The following COA6 variants were observed in gnomAD, a reference collection of about 807,000 sequenced individuals.
The protein encoded by COA6 is cytochrome c oxidase assembly factor 6.
In COA6, 12 loss-of-function variants were observed where a neutral mutation model predicts 17.1. The observed-to-expected ratio is 0.70, with a 90% confidence interval of 0.45 to 1.14. COA6 has a LOEUF of 1.14. Ranked by LOEUF, COA6 falls within the 50% of genes most tolerant of loss-of-function variation. COA6 has a pLI of 0.00. For missense variants in COA6, 246 were observed against 196.5 expected (o/e 1.25, Z -1.51); for synonymous variants, 90 against 73.4 (o/e 1.23, Z -1.16).
chr1:234,379,964 TGACC>T (rs1658920871), intron 2 of COA6, among the ~76,000 whole-genome samples: 1 of 152,208 alleles, frequency 6.6e-6, no homozygotes, highest in African/African-American at 2.4e-5. Flanking sequence ...TATCAGATGG[TGACC>T]TGCAAAGTTG....
chr1:234,381,803 C>T (rs911724061), intron 2 of COA6, among the ~76,000 whole-genome samples: 4 of 152,166 alleles, frequency 2.6e-5, no homozygotes, highest in African/African-American at 9.7e-5. Flanking sequence ...AGAGGAGAAA[C>T]ATGTTTGGAG....
intron 1 of COA6, 57 bp downstream of exon 1, chr1:234,373,735 C>T: frequency 6.2e-7 from 1 of 1,613,826 alleles, no homozygotes; most frequent in Non-Finnish European, 8.5e-7. Context: ...CCGGGAGGTC[C>T]CTTACTGTCC....
At chr1:234,383,535 TA>T (rs1206807601) in intron 2 of COA6, among the ~76,000 whole-genome samples, 187 bp from the exon 3 acceptor site, 2,003 of 121,042 alleles carry the variant, frequency 0.017, 37 homozygotes, top group African/African-American at 0.058. Context: ...TAAAGTATAA[TA>T]AAAAAAAAAA....
rs1659025572 is a variant in COA6, at chr1:234,383,076, T to TGGAAG, written c.373-645_373-641dup. On this transcript the variant is annotated intron_variant, in intron 2 of 2. Coordinates refer to ENST00000366615, the MANE Select transcript of COA6 (RefSeq NM_001206641.3). The stretch of plus-strand genomic sequence containing the variant: ...GGAGGGAGGGAGGGAGGGAAGGGAA[T>TGGAAG]GGAAGGAAGGGAAGGGAAGTAAGAA... Among the ~76,000 whole-genome samples the TGGAAG allele has an allele frequency of 1.7e-5, 2 of 116,060 alleles. 1 individual carries two copies. The highest frequency in any genetic ancestry group is 3.6e-5 in the Non-Finnish European group (2 of 54,824). The allele number at this position is 116,060 out of a possible 152,430, so 76.1% of individuals were successfully genotyped here. A position where few individuals can be genotyped will look rare whatever the true frequency, so the allele number is the denominator to read the frequency against.
intron 2 of COA6, among the ~76,000 whole-genome samples, chr1:234,380,178 C>G (rs1383059798): frequency 6.6e-6 from 1 of 152,224 alleles, no homozygotes; most frequent in African/African-American, 2.4e-5. Context: ...CCTGTGCTCT[C>G]TTTTCAAGTA....
chr1:234,378,867 GT>G (rs1444019173), intron 2 of COA6, among the ~76,000 whole-genome samples: 1 of 150,898 alleles, frequency 6.6e-6, no homozygotes, highest in East Asian at 1.9e-4. Flanking sequence ...CAAGACTCTG[GT>G]TTTTTTTTCT....
At chr1:234,379,183 G>A (rs932509685) in intron 2 of COA6, among the ~76,000 whole-genome samples, 1 of 151,700 alleles carries the variant, frequency 6.6e-6, no homozygotes, top group African/African-American at 2.4e-5. Context: ...CCCGGCCATG[G>A]TTGGTGCTTT....
chr1:234,377,790 G>A (rs967156909), intron 2 of COA6, among the ~76,000 whole-genome samples: 24 of 152,240 alleles, frequency 1.6e-4, no homozygotes, highest in East Asian at 1.9e-4. Context: ...CCAGCACAGC[G>A]GGGAGTGCGT....
At position 234,379,501 on chromosome 1, in the gene COA6, G is replaced by A. The variant is rs73099954; in HGVS notation, c.373-4222G>A. On this transcript the variant is annotated intron_variant, in intron 2 of 2. Transcript: ENST00000366615. ...GCCATGGTATTGAAAAGATCAGTAT[G>A]TGGACATTGAAATTACCCGCGAGTT... Among the ~76,000 whole-genome samples, 366 of 152,330 alleles carry A rather than the reference G, an allele frequency of 2.4e-3. 3 individuals carry two copies. Among genetic ancestry groups the A allele is most frequent in the African/African-American group, 8.5e-3 (354 of 41,566 alleles).
rs368401054 is a variant in COA6 at position 234,379,810 on chromosome 1, G to T, written c.373-3913G>T. Among the ~76,000 whole-genome samples, 39 of 152,256 alleles carry T rather than the reference G, an allele frequency of 2.6e-4. No homozygotes were observed. In the South Asian group the frequency reaches 7.1e-3, roughly 28 times the overall value. ...CTTATAAAACCATCTGATCTTATGA[G>T]AACTCACTTACTGTCACAAGAACAG... On this transcript the variant is annotated intron_variant, in intron 2 of 2. Coordinates refer to ENST00000366615, the MANE Select transcript of COA6 (RefSeq NM_001206641.3).
chr1:234,373,568 A>G lies in COA6; in HGVS notation c.102A>G (p.Arg34=). ...STLLELEPAG[R]PCSGRTRHRA... The stretch of plus-strand genomic sequence containing the variant: ...TTCTAGAGCTTGAGCCAGCGGGGCG[A>G]CCCTGCAGTGGCAGGACTCGGCACC... Residue 34 remains arginine (R), a synonymous_variant, in exon 1 of 3, where the codon CGA becomes CGG. Transcript: ENST00000366615. 3.7e-6 allele frequency: 6 copies of G among 1,612,290 alleles called. No individual in the cohort carries two copies. Among genetic ancestry groups the G allele is most frequent in the Non-Finnish European group, 5.1e-6 (6 of 1,179,526 alleles).
At chr1:234,373,829 T>C in intron 1 of COA6, 151 bp downstream of exon 1, 2 of 1,613,556 alleles carry the variant, frequency 1.2e-6, no homozygotes, top group Non-Finnish European at 1.7e-6. Flanking sequence ...CACCTGTTTC[T>C]ACAGCGCTTA....
Position 234,383,784 on chromosome 1 carries a change from A to C in COA6, c.434A>C (p.Gln145Pro), listed in dbSNP as rs1240978016. The C allele has an allele frequency of 6.3e-7, 1 of 1,578,852 alleles. No homozygotes were observed. The highest frequency in any genetic ancestry group is 1.7e-5 in the Admixed American group (1 of 59,006). The change falls in exon 3 of 3, where the codon CAA (glutamine) becomes CCA (proline). Residue 145 changes from glutamine (Q) to proline (P), a missense_variant. Physicochemically the swap from Gln to Pro is moderately conservative, Grantham distance 76. Transcript: ENST00000366615. ...TTCAAAGAAAAATTTGAAGCAGGAC[A>C]ATTTGAGCCTTCAGAAACAACTGCA... ...LKFKEKFEAG[Q>P]FEPSETTAKS is the part of the protein sequence containing the mutation.
intron 2 of COA6, among the ~76,000 whole-genome samples, chr1:234,383,465 A>G (rs1659038628): frequency 6.6e-6 from 1 of 152,048 alleles, no homozygotes; most frequent in African/African-American, 2.4e-5. Context: ...CAGCACACCA[A>G]CATGGCACAT....
chr1:234,377,372 G>T (rs558149719), intron 2 of COA6, among the ~76,000 whole-genome samples: 1 of 151,890 alleles, frequency 6.6e-6, no homozygotes, highest in African/African-American at 2.4e-5. Flanking sequence ...TGTTCCACCC[G>T]CCTCAGCCTC....
rs1226596575 is a variant in COA6, at chr1:234,381,095, A to G, written c.373-2628A>G. Among the ~76,000 whole-genome samples, 3 of 152,234 alleles carry G rather than the reference A, an allele frequency of 2.0e-5. No homozygotes were observed. In the East Asian group the frequency reaches 5.8e-4, roughly 29 times the overall value. On this transcript the variant is annotated intron_variant, in intron 2 of 2. Transcript: ENST00000366615. ...TCATCTAACAAAGTTCCACAAACAG[A>G]GCAACCAGATATCCAAGATCTTTGA...
chr1:234,373,513 G>C lies in COA6; in HGVS notation c.47G>C (p.Ser16Thr), dbSNP rs10910420. The change falls in exon 1 of 3, where the codon AGT (serine) becomes ACT (threonine). Residue 16 changes from serine (S) to threonine (T), a missense_variant. Ser to Thr is a moderately conservative substitution (Grantham distance 58, BLOSUM62 1). Coordinates refer to ENST00000366615, the MANE Select transcript of COA6 (RefSeq NM_001206641.3). ...AAGAGTCCGCGGTTTCGCCGCGTGA[G>C]TTGCTTTTTGCGGCTGGGGAGGTCT... ...GQKSPRFRRV[S>T]CFLRLGRSTL... The C allele has an allele frequency of 0.51, 826,173 of 1,604,910 alleles. 218,446 individuals are homozygous for C. Among genetic ancestry groups the C allele is most frequent in the African/African-American group, 0.84 (63,180 of 74,834 alleles).
At chr1:234,377,146 A>ATGTTGTT in intron 2 of COA6, among the ~76,000 whole-genome samples, 1 of 95,264 alleles carries the variant, frequency 1.0e-5, no homozygotes, top group African/African-American at 7.3e-5. Flanking sequence ...GTTGTTGTTG[A>ATGTTGTT]GACAGAGTCT....
At chr1:234,379,800 G>A (rs1658916545) in intron 2 of COA6, among the ~76,000 whole-genome samples, 1 of 152,138 alleles carries the variant, frequency 6.6e-6, no homozygotes, top group Non-Finnish European at 1.5e-5. Context: ...AAAACCATCT[G>A]ATCTTATGAG....
Sources: gnomAD v4.1 joint callset for allele counts (sites outside exome capture counted in the v4.1 genomes callset) on GRCh38, gnomAD v4.1.1 for gene constraint, MANE v1.5 for transcripts, NCBI Gene and HGNC (gene_info 2026-07-23, HGNC 2026-07-21) for gene names.